The following PARP11 variants were observed in gnomAD, a reference collection of about 807,000 sequenced individuals.
The protein encoded by PARP11 is protein mono-ADP-ribosyltransferase PARP11.
In PARP11, 31 loss-of-function variants were observed where a neutral mutation model predicts 42.9. The ratio of observed to expected loss-of-function variants is 0.72; its 90% CI spans 0.54 to 0.98. PARP11 has a LOEUF of 0.98. Among genes scored for constraint, PARP11 ranks in the 50% least tolerant of loss-of-function variants. The probability of loss-of-function intolerance (pLI) is 0.00; values close to 1 mark genes in which losing one functional copy is unlikely to be tolerated. For synonymous variants in PARP11, 137 were observed against 127.3 expected (o/e 1.08, Z -0.51); for missense variants, 365 against 413.1 (o/e 0.88, Z 1.01).
At chr12:3,842,451 G>A in intron 1 of PARP11, 1 of 1,608,416 alleles carries the variant, frequency 6.2e-7, no homozygotes, top group Non-Finnish European at 8.5e-7. Flanking sequence ...ATGTCAGAGG[G>A]CGACCATTTA....
intron 6 of PARP11, 114 bp downstream of exon 6, chr12:3,821,759 G>T (rs1403646223): frequency 1.8e-6 from 2 of 1,130,874 alleles, no homozygotes; most frequent in Admixed American, 4.7e-5. Context: ...TCAAAATACG[G>T]CAAGAGAAAA....
intron 1 of PARP11, chr12:3,841,593 A>T: frequency 6.2e-7 from 1 of 1,612,666 alleles, no homozygotes. Flanking sequence ...GTCACGGACA[A>T]TTGTCTTACC....
At chr12:3,829,843 C>T (rs765520793) in intron 2 of PARP11, 47 bp downstream of exon 2, 43 of 1,596,922 alleles carry the variant, frequency 2.7e-5, no homozygotes, top group Non-Finnish European at 3.7e-5. Flanking sequence ...CAAGGTGATG[C>T]TAAGTGAATC....
At chr12:3,836,034 C>CAT (rs1424411594) in intron 1 of PARP11, among the ~76,000 whole-genome samples, 69 of 150,792 alleles carry the variant, frequency 4.6e-4, no homozygotes, top group Non-Finnish European at 6.2e-4. Context: ...TACACACACA[C>CAT]ATATATATAT....
At chr12:3,847,966 C>T (rs1302967009) in intron 1 of PARP11, among the ~76,000 whole-genome samples, 1 of 152,074 alleles carries the variant, frequency 6.6e-6, no homozygotes, top group Non-Finnish European at 1.5e-5. Context: ...TTCAGTAAAA[C>T]TGCAGGTTAC....
At chr12:3,863,157 T>C (rs1176727660) in intron 1 of PARP11, among the ~76,000 whole-genome samples, 2 of 152,246 alleles carry the variant, frequency 1.3e-5, no homozygotes, top group Non-Finnish European at 2.9e-5. Context: ...TAAAAGTCAA[T>C]TTCTGATTAT....
intron 1 of PARP11, among the ~76,000 whole-genome samples, chr12:3,849,443 G>T (rs188180769): frequency 6.6e-6 from 1 of 152,296 alleles, no homozygotes; most frequent in East Asian, 1.9e-4. Flanking sequence ...AGAAAATGTG[G>T]TTTATATACA....
At chr12:3,841,487 C>T in intron 1 of PARP11, 1 of 1,496,140 alleles carries the variant, frequency 6.7e-7, no homozygotes, top group Non-Finnish European at 9.3e-7. Flanking sequence ...CCTATGCAGA[C>T]TGAGGCTAGT....
chr12:3,845,390 T>C (rs7973468), intron 1 of PARP11, among the ~76,000 whole-genome samples: 26,462 of 152,160 alleles, frequency 0.17, 2,957 homozygotes, highest in East Asian at 0.51. Flanking sequence ...TGCAGTGTGT[T>C]GTTTCCTTTG....
At chr12:3,836,337 A>C (rs1189404780) in intron 1 of PARP11, among the ~76,000 whole-genome samples, 1 of 127,462 alleles carries the variant, frequency 7.8e-6, no homozygotes, top group East Asian at 2.8e-4. Flanking sequence ...AAAAACAAAC[A>C]AAAAAAAAGC....
intron 1 of PARP11, among the ~76,000 whole-genome samples, chr12:3,844,401 T>C (rs1047494541): frequency 6.6e-6 from 1 of 152,194 alleles, no homozygotes; most frequent in African/African-American, 2.4e-5. Context: ...AATGAGAAGA[T>C]AGAGGGTCCT....
chr12:3,873,155 G>T, intron 1 of PARP11, 57 bp downstream of exon 1: 5 of 1,022,468 alleles, frequency 4.9e-6, no homozygotes, highest in Non-Finnish European at 5.9e-6. Flanking sequence ...ACCCCCTCCC[G>T]CCCCTCTCTC....
chr12:3,841,703 C>A, intron 1 of PARP11: 1 of 1,613,208 alleles, frequency 6.2e-7, no homozygotes, highest in South Asian at 1.1e-5. Flanking sequence ...TCTTTTGGAC[C>A]CAATCCATTC....
rs577696257 is a variant in PARP11, at chr12:3,826,383, A to G, written c.269-150T>C. ...CATAGTGTATTATGGGTACTTTACC[A>G]TGCAGCTAGCTATGTACCACGTTGT... On this transcript the variant is annotated intron_variant, in intron 3 of 7. Coordinates refer to ENST00000228820, the MANE Select transcript of PARP11 (RefSeq NM_020367.6). The G allele has an allele frequency of 9.1e-4, 467 of 513,038 alleles. 6 individuals are homozygous for G. The highest frequency in any genetic ancestry group is 8.2e-3 in the African/African-American group (422 of 51,554). 31.8% of individuals were successfully genotyped at this position (513,038 alleles called of 1,614,324 possible).
chr12:3,815,167 A>T, intron 6 of PARP11: 1 of 429,384 alleles, frequency 2.3e-6, no homozygotes, highest in Non-Finnish European at 4.7e-6. Context: ...ATTTCATAAA[A>T]ATCATATTTT....
intron 7 of PARP11, 85 bp from the exon 8 acceptor site, chr12:3,812,524 A>G: frequency 1.1e-6 from 1 of 884,434 alleles, no homozygotes; most frequent in Non-Finnish European, 1.7e-6. Flanking sequence ...AGGAGAATAG[A>G]TGCATAGAAT....
chr12:3,841,347 C>G (rs1405131824), intron 1 of PARP11: 44 of 1,245,716 alleles, frequency 3.5e-5, no homozygotes, highest in Non-Finnish European at 5.1e-5. Flanking sequence ...ACCCTCTGCA[C>G]CAGGCCTACC....
At chr12:3,822,584 G>A (rs1947421867) in intron 4 of PARP11, among the ~76,000 whole-genome samples, 1 of 146,532 alleles carries the variant, frequency 6.8e-6, no homozygotes, top group Admixed American at 6.8e-5. Context: ...GGGCGACAGG[G>A]CGAGACTCCG....
At chr12:3,870,361 C>T (rs1948454061) in intron 1 of PARP11, among the ~76,000 whole-genome samples, 1 of 152,000 alleles carries the variant, frequency 6.6e-6, no homozygotes, top group Non-Finnish European at 1.5e-5. Flanking sequence ...TGGAGGATTC[C>T]CCACTTTTAA....
Sources: allele counts gnomAD v4.1 joint callset (sites outside exome capture counted in the v4.1 genomes callset), GRCh38; gene constraint gnomAD v4.1.1; transcripts MANE v1.5; gene names NCBI Gene and HGNC (gene_info 2026-07-23, HGNC 2026-07-21).